LRRC8C: variants seen among roughly 807,000 people sequenced by gnomAD.
LRRC8C encodes volume-regulated anion channel subunit LRRC8C.
Under a neutral mutation model 55.3 loss-of-function variants are expected in LRRC8C, and 20 were observed. The observed-to-expected ratio is 0.36, with a 90% CI of 0.25 to 0.53. The LOEUF (loss-of-function observed/expected upper bound fraction) is 0.53. LRRC8C is among the 20% of genes least tolerant of loss of function. The pLI, the probability that LRRC8C is intolerant of heterozygous loss-of-function variation, is 0.92. For missense variants in LRRC8C, 659 were observed against 951.4 expected (o/e 0.69, Z 4.04); for synonymous variants, 376 against 360.7 (o/e 1.04, Z -0.48).
intron 2 of LRRC8C, among the ~76,000 whole-genome samples, chr1:89,689,963 A>T (rs1032952342): frequency 5.9e-5 from 9 of 152,148 alleles, no homozygotes; most frequent in Non-Finnish European, 1.2e-4. Flanking sequence ...AGAGAAATCA[A>T]GGATGACTAA....
chr1:89,665,990 T>A (rs145679537), intron 1 of LRRC8C, among the ~76,000 whole-genome samples: 92 of 152,300 alleles, frequency 6.0e-4, no homozygotes, highest in African/African-American at 2.1e-3. Flanking sequence ...CTGTACAGAT[T>A]TATAGCCTAG....
intron 2 of LRRC8C, among the ~76,000 whole-genome samples, chr1:89,703,348 C>T (rs1285964040): frequency 1.3e-5 from 2 of 152,034 alleles, no homozygotes; most frequent in Admixed American, 6.5e-5. Flanking sequence ...CAAATAGTTA[C>T]TGAAGAATGA....
Position 89,637,639 on chromosome 1 carries a change from T to G in LRRC8C, c.-5+4317T>G, listed in dbSNP as rs369475189. 5.3e-5 allele frequency among the ~76,000 whole-genome samples: 8 copies of G among 152,198 alleles called. No homozygotes were observed. The East Asian group carries it at 7.8e-4, about 15-fold the overall frequency. ...CAAGAAAGAGAAACTAATGTCACCT[T>G]GGACATCTAGCACAGCAATAGACTT... On this transcript the variant is annotated intron_variant, in intron 1 of 2. Coordinates refer to ENST00000370454, the MANE Select transcript of LRRC8C (RefSeq NM_032270.5).
At chr1:89,678,575 C>T (rs1657612505) in intron 1 of LRRC8C, among the ~76,000 whole-genome samples, 1 of 152,096 alleles carries the variant, frequency 6.6e-6, no homozygotes, top group Non-Finnish European at 1.5e-5. Context: ...TGGTGCATAC[C>T]TGTAATCCCA....
the LRRC8C span, among the ~76,000 whole-genome samples, chr1:89,621,265 C>CT: frequency 1.3e-5 from 2 of 149,314 alleles, no homozygotes; most frequent in Non-Finnish European, 3.0e-5. Context: ...TCGAGATCAT[C>CT]CTGGCTAACA....
intron 2 of LRRC8C, among the ~76,000 whole-genome samples, chr1:89,689,993 C>T (rs1230305586): frequency 6.6e-6 from 1 of 151,856 alleles, no homozygotes; most frequent in Non-Finnish European, 1.5e-5. Context: ...ACCTCAGCAA[C>T]TAGAAAAGTT....
intron 1 of LRRC8C, among the ~76,000 whole-genome samples, chr1:89,660,998 A>G (rs1485033822): frequency 2.0e-5 from 3 of 152,160 alleles, no homozygotes; most frequent in African/African-American, 7.2e-5. Context: ...AGCCTTTTGT[A>G]TTCCTTTGCT....
At chr1:89,619,706 A>C in the LRRC8C span, among the ~76,000 whole-genome samples, 4 of 152,014 alleles carry the variant, frequency 2.6e-5, no homozygotes, top group Non-Finnish European at 4.4e-5. Context: ...CATATGGAAA[A>C]TAGAAAAAAA....
chr1:89,718,646 GAA>G lies in LRRC8C; in HGVS notation c.*3667_*3668del, dbSNP rs1457674328. On this transcript the variant is annotated 3_prime_UTR_variant, in exon 3 of 3. Coordinates refer to ENST00000370454, the MANE Select transcript of LRRC8C (RefSeq NM_032270.5). ...GCAAAGATTCCTAATCCATCATTAT[GAA>G]AAGTGTCAGCATACTTAGTAGTGAA... 1 of 152,256 alleles carries G rather than the reference GAA, an allele frequency of 6.6e-6. No homozygotes were observed. Among genetic ancestry groups the G allele is most frequent in the South Asian group, 2.1e-4 (1 of 4,832 alleles). 9.4% of individuals were successfully genotyped at this position (152,256 alleles called of 1,614,324 possible). A position where few individuals can be genotyped will look rare whatever the true frequency, so the allele number is the denominator to read the frequency against.
chr1:89,643,701 T>C (rs1330145822), intron 1 of LRRC8C, among the ~76,000 whole-genome samples: 4 of 152,352 alleles, frequency 2.6e-5, no homozygotes, highest in Admixed American at 2.6e-4. Context: ...TATTCACTAG[T>C]TTATTGTCAC....
At chr1:89,691,956 C>T (rs1334107630) in intron 2 of LRRC8C, among the ~76,000 whole-genome samples, 2 of 152,168 alleles carry the variant, frequency 1.3e-5, no homozygotes, top group Admixed American at 6.5e-5. Context: ...GAAAAATTTG[C>T]ACTCTATAGT....
chr1:89,700,978 TA>T (rs1257718232), intron 2 of LRRC8C, among the ~76,000 whole-genome samples: 3 of 152,212 alleles, frequency 2.0e-5, no homozygotes, highest in African/African-American at 7.2e-5. Context: ...CCTATAACAA[TA>T]TAATCATAGC....
chr1:89,618,099 C>T, the LRRC8C span, among the ~76,000 whole-genome samples: 31 of 152,282 alleles, frequency 2.0e-4, no homozygotes, highest in South Asian at 4.1e-3. Flanking sequence ...CAGCCCCCTT[C>T]CCCTCCTGAC....
chr1:89,680,020 A>G (rs756537713), intron 1 of LRRC8C, among the ~76,000 whole-genome samples: 1 of 152,176 alleles, frequency 6.6e-6, no homozygotes, highest in Non-Finnish European at 1.5e-5. Flanking sequence ...ATATTATTTT[A>G]GGAAGAGCCA....
chr1:89,710,289 T>A (rs1395330093), intron 2 of LRRC8C, among the ~76,000 whole-genome samples: 1 of 152,214 alleles, frequency 6.6e-6, no homozygotes, highest in East Asian at 1.9e-4. Context: ...TTGTCTAGGC[T>A]TTCTCCTGGT....
intron 2 of LRRC8C, among the ~76,000 whole-genome samples, chr1:89,694,873 C>A (rs1265821759): frequency 2.0e-5 from 3 of 151,454 alleles, no homozygotes; most frequent in Non-Finnish European, 4.4e-5. Context: ...CAGCCCATGC[C>A]CAGCTTTTTT....
intron 1 of LRRC8C, among the ~76,000 whole-genome samples, chr1:89,680,090 T>G (rs1657655372): frequency 6.6e-6 from 1 of 151,794 alleles, no homozygotes; most frequent in South Asian, 2.1e-4. Context: ...TTTTTTTTTT[T>G]TGAGATGGAG....
In LRRC8C at chr1:89,714,001, T is replaced by C. The variant is rs1658730905; in HGVS notation, c.1431T>C (p.Cys477=). The C allele has an allele frequency of 1.2e-6, 2 of 1,613,226 alleles. No homozygotes were observed. Among genetic ancestry groups the C allele is most frequent in the South Asian group, 2.2e-5 (2 of 91,084 alleles). Reference sequence around the variant, plus strand: ...TTCAAGAGCTCTCTCTGCACCAGTGTTCTGTCAAAATCCACAGTGCGGCGC... The same window carrying C: ...TTCAAGAGCTCTCTCTGCACCAGTGCTCTGTCAAAATCCACAGTGCGGCGC... ...DNLQELSLHQ[C]SVKIHSAALS... The change falls in exon 3 of 3, where the codon TGT becomes TGC. Residue 477 remains cysteine (C), a synonymous_variant. Transcript: ENST00000370454. This position sits in a 1 kb window ranked among gnomAD's most constrained non-coding sequence, Gnocchi z 4.6.
intron 1 of LRRC8C, chr1:89,676,479 A>G (rs1657551353): frequency 6.6e-6 from 1 of 152,222 alleles, no homozygotes; most frequent in Non-Finnish European, 1.5e-5. Flanking sequence ...CTATTTGGTA[A>G]TAGTCTCTCT....
Sources: gnomAD v4.1 joint callset for allele counts (sites outside exome capture counted in the v4.1 genomes callset) on GRCh38, gnomAD v4.1.1 for gene constraint, Gnocchi (gnomAD v3.1) non-coding constraint, MANE v1.5 for transcripts, NCBI Gene and HGNC (gene_info 2026-07-23, HGNC 2026-07-21) for gene names.